NEMP2: variants seen among roughly 807,000 people sequenced by gnomAD.
NEMP2 encodes UPF0571 transmembrane protein.
NEMP2 carries 53 observed loss-of-function variants against 54.2 expected under a neutral mutation model. That is an observed-to-expected ratio of 0.98 (90% CI 0.78 to 1.23). The LOEUF (loss-of-function observed/expected upper bound fraction) is 1.23, where lower values mean the gene tolerates loss of function less well. NEMP2 is among the 50% of genes most tolerant of loss of function. The pLI is 0.00. For missense variants in NEMP2, 455 were observed against 511.3 expected, an observed-to-expected ratio of 0.89 and a Z score of 1.06; for synonymous variants, 197 against 190.3, an observed-to-expected ratio of 1.04 and a Z score of -0.29.
At chr2:190,481,176 T>C in the NEMP2 span, among the ~76,000 whole-genome samples, 3 of 152,382 alleles carry the variant, frequency 2.0e-5, no homozygotes, top group Middle Eastern at 0.01. Context: ...CCCTGGGTTT[T>C]GGGTGGTAGT....
At chr2:190,628,233 T>G in the NEMP2 span, 1 of 152,226 alleles carries the variant, frequency 6.6e-6, no homozygotes, top group Non-Finnish European at 1.5e-5. This position sits in a 1 kb window ranked among gnomAD's most constrained non-coding sequence, Gnocchi z 4.1. Context: ...TGGAAGGTCT[T>G]GGGGAGGGCA....
At chr2:190,589,823 G>A in the NEMP2 span, among the ~76,000 whole-genome samples, 32 of 152,132 alleles carry the variant, frequency 2.1e-4, no homozygotes, top group Non-Finnish European at 7.4e-5. The surrounding 1 kb of genome is among the most constrained non-coding windows in gnomAD (Gnocchi z 4.3). Context: ...TGGCCTACCT[G>A]TTTGGTCTGC....
chr2:190,598,657 A>T, the NEMP2 span, among the ~76,000 whole-genome samples: 1 of 152,226 alleles, frequency 6.6e-6, no homozygotes, highest in East Asian at 1.9e-4. Flanking sequence ...GCGATTCTCA[A>T]ATTTAAGAAC....
chr2:190,550,048 T>A, the NEMP2 span, among the ~76,000 whole-genome samples: 1 of 152,040 alleles, frequency 6.6e-6, no homozygotes, highest in Non-Finnish European at 1.5e-5. This position sits in a 1 kb window ranked among gnomAD's most constrained non-coding sequence, Gnocchi z 4.7. Context: ...GACTATGGGG[T>A]TTTTTACATA....
At chr2:190,546,926 C>T in the NEMP2 span, among the ~76,000 whole-genome samples, 4 of 152,234 alleles carry the variant, frequency 2.6e-5, no homozygotes, top group African/African-American at 9.6e-5. This position sits in a 1 kb window ranked among gnomAD's most constrained non-coding sequence, Gnocchi z 5.1. Context: ...CCACTCTCCA[C>T]TTGTTGGACT....
the NEMP2 span, among the ~76,000 whole-genome samples, chr2:190,605,537 G>A: frequency 6.6e-6 from 1 of 151,874 alleles, no homozygotes; most frequent in African/African-American, 2.4e-5. Context: ...ACCACACCCA[G>A]CTAATTTTCT....
chr2:190,630,686 G>T, the NEMP2 span, among the ~76,000 whole-genome samples: 1 of 152,056 alleles, frequency 6.6e-6, no homozygotes, highest in Non-Finnish European at 1.5e-5. The surrounding 1 kb of genome is among the most constrained non-coding windows in gnomAD (Gnocchi z 5.5). Context: ...GTTCTTTAGG[G>T]ATGGACTAAA....
chr2:190,436,772 C>A, the NEMP2 span: 8 of 1,614,098 alleles, frequency 5.0e-6, no homozygotes, highest in African/African-American at 9.3e-5. The surrounding 1 kb of genome is among the most constrained non-coding windows in gnomAD (Gnocchi z 5.3). Flanking sequence ...AGCACAGCAA[C>A]CCCTGTCTCC....
At chr2:190,566,715 AAAGAAAG>A in the NEMP2 span, among the ~76,000 whole-genome samples, 7 of 142,326 alleles carry the variant, frequency 4.9e-5, no homozygotes, top group South Asian at 4.3e-4. Context: ...GGAGGGAAGA[AAAGAAAG>A]AAAGAAGGAA....
chr2:190,423,672 G>A, the NEMP2 span, among the ~76,000 whole-genome samples: 4 of 152,154 alleles, frequency 2.6e-5, no homozygotes, highest in Admixed American at 1.3e-4. This position sits in a 1 kb window ranked among gnomAD's most constrained non-coding sequence, Gnocchi z 4.3. Context: ...TAATTACTGG[G>A]TTTTATGGTA....
chr2:190,630,565 G>C, the NEMP2 span, among the ~76,000 whole-genome samples: 1 of 152,102 alleles, frequency 6.6e-6, no homozygotes, highest in Non-Finnish European at 1.5e-5. The surrounding 1 kb of genome is among the most constrained non-coding windows in gnomAD (Gnocchi z 5.5). Context: ...TTACAGTCCT[G>C]ATACGGCTCC....
At position 190,510,125 on chromosome 2, in the gene NEMP2, G is replaced by A. The variant is rs1690305703; in HGVS notation, c.1130+236C>T. Among the ~76,000 whole-genome samples, 1 of 152,020 alleles carries A rather than the reference G, an allele frequency of 6.6e-6. No homozygotes were observed. Among genetic ancestry groups the A allele is most frequent in the African/African-American group, 2.4e-5 (1 of 41,366 alleles). ...CCTATTCCACCTTCCCTTCGCATAG[G>A]GAAGTTATCTTTATAGCCTTCCCTA... is the stretch of plus-strand genomic sequence containing the variant. On this transcript the variant is annotated intron_variant, in intron 8 of 8. Coordinates refer to ENST00000409150, the MANE Select transcript of NEMP2 (RefSeq NM_001142645.2). The surrounding 1 kb of genome is among the most constrained non-coding windows in gnomAD (Gnocchi z 5.7).
chr2:190,610,613 G>T, the NEMP2 span: 2 of 152,172 alleles, frequency 1.3e-5, no homozygotes, highest in South Asian at 2.1e-4. This position sits in a 1 kb window ranked among gnomAD's most constrained non-coding sequence, Gnocchi z 5.4. Flanking sequence ...TTCCAACTGT[G>T]TCCTCTTACG....
At chr2:190,490,229 G>A in the NEMP2 span, among the ~76,000 whole-genome samples, 1 of 151,442 alleles carries the variant, frequency 6.6e-6, no homozygotes, top group Non-Finnish European at 1.5e-5. The surrounding 1 kb of genome is among the most constrained non-coding windows in gnomAD (Gnocchi z 4.5). Flanking sequence ...TAGGGAGTGA[G>A]TGGTAATCTT....
the NEMP2 span, chr2:190,464,783 C>T: frequency 3.0e-6 from 1 of 332,792 alleles, no homozygotes; most frequent in Non-Finnish European, 4.3e-6. Flanking sequence ...GCTGTAAGTC[C>T]CTTGAAGACC....
the NEMP2 span, among the ~76,000 whole-genome samples, chr2:190,600,773 GCCTCTTTTCTTTATAAATTA>G: frequency 6.6e-6 from 1 of 152,088 alleles, no homozygotes; most frequent in Admixed American, 6.5e-5. This position sits in a 1 kb window ranked among gnomAD's most constrained non-coding sequence, Gnocchi z 4.9. Flanking sequence ...AGCCAAATAA[GCCTCTTTTCTTTATAAATTA>G]CCTCAGCCTC....
At chr2:190,424,343 A>G in the NEMP2 span, among the ~76,000 whole-genome samples, 1 of 145,196 alleles carries the variant, frequency 6.9e-6, no homozygotes, top group South Asian at 2.2e-4. The surrounding 1 kb of genome is among the most constrained non-coding windows in gnomAD (Gnocchi z 5.9). Context: ...TTATTTATTT[A>G]TTTTTTTTTC....
chr2:190,496,614 GTGTGTATGTA>G, the NEMP2 span, among the ~76,000 whole-genome samples: 1 of 152,072 alleles, frequency 6.6e-6, no homozygotes, highest in South Asian at 2.1e-4. The surrounding 1 kb of genome is among the most constrained non-coding windows in gnomAD (Gnocchi z 4.7). Flanking sequence ...AAACTGTAGT[GTGTGTATGTA>G]TGTATATGTG....
Position 190,531,099 on chromosome 2 carries a change from T to C in NEMP2, c.97+3460A>G, listed in dbSNP as rs1224916929. Among the ~76,000 whole-genome samples the C allele has an allele frequency of 6.6e-6, 1 of 152,126 alleles. No individual in the cohort carries two copies. Among genetic ancestry groups the C allele is most frequent in the East Asian group, 1.9e-4 (1 of 5,202 alleles). On this transcript the variant is annotated intron_variant, in intron 1 of 8. Coordinates refer to ENST00000409150, the MANE Select transcript of NEMP2 (RefSeq NM_001142645.2). The surrounding 1 kb of genome is among the most constrained non-coding windows in gnomAD (Gnocchi z 4.7). ...CAACAACAATCCCCTTACAATGCAA[T>C]CCAGGAAATGAAACAGAATTTCTAG...
Sources: allele counts gnomAD v4.1 joint callset (sites outside exome capture counted in the v4.1 genomes callset), GRCh38; gene constraint gnomAD v4.1.1; non-coding constraint Gnocchi (gnomAD v3.1); transcripts MANE v1.5; gene names NCBI Gene and HGNC (gene_info 2026-07-23, HGNC 2026-07-21).